The following MEAK7 variants were observed in gnomAD, a reference collection of about 807,000 sequenced individuals.
The protein encoded by MEAK7 is MTOR associated protein MEAK7, also known as MTOR-associated protein MEAK7.
In MEAK7, 68 loss-of-function variants were observed where a neutral mutation model predicts 40.5. The observed-to-expected ratio is 1.68, with a 90% CI of 1.38 to 2.06. MEAK7 has a LOEUF of 2.06. MEAK7 is among the 30% of genes most tolerant of loss of function. MEAK7 has a pLI of 0.00. For missense variants in MEAK7, 918 were observed against 580.5 expected, an observed-to-expected ratio of 1.58 and a Z score of -5.98; for synonymous variants, 338 against 231.9, an observed-to-expected ratio of 1.46 and a Z score of -4.16.
intron 1 of MEAK7, among the ~76,000 whole-genome samples, chr16:84,499,490 G>T (rs1597969685): frequency 6.6e-6 from 1 of 152,180 alleles, no homozygotes; most frequent in African/African-American, 2.4e-5. Context: ...CCCTCAAGGG[G>T]TAACAGGGTA....
chr16:84,503,586 C>G (rs976308145), intron 1 of MEAK7, among the ~76,000 whole-genome samples: 3 of 152,114 alleles, frequency 2.0e-5, no homozygotes, highest in African/African-American at 7.2e-5. Context: ...ATTTCTTTAA[C>G]ATAAGGTTGA....
chr16:84,503,070 T>C (rs1222027526), intron 1 of MEAK7, among the ~76,000 whole-genome samples: 1 of 152,232 alleles, frequency 6.6e-6, no homozygotes, highest in African/African-American at 2.4e-5. Context: ...GTTCACTTGC[T>C]ATCTAACCAG....
chr16:84,484,818 T>TC (rs1455266869), intron 5 of MEAK7, among the ~76,000 whole-genome samples: 2 of 152,218 alleles, frequency 1.3e-5, no homozygotes, highest in Non-Finnish European at 2.9e-5. Flanking sequence ...GAGGCTGCCC[T>TC]CTGCTGTTGT....
chr16:84,500,907 A>G lies in MEAK7; in HGVS notation c.-25-2796T>C, dbSNP rs541959281. Among the ~76,000 whole-genome samples, 7 of 152,228 alleles carry G rather than the reference A, an allele frequency of 4.6e-5. No individual in the cohort carries two copies. The South Asian group carries it at 8.3e-4, about 18-fold the overall frequency. On this transcript the variant is annotated intron_variant, in intron 1 of 7. Coordinates refer to ENST00000343629, the MANE Select transcript of MEAK7 (RefSeq NM_020947.4). Reference sequence around the variant, plus strand: ...CAGGAGTTCGAAACTAGGTTGGCCAACGACATGAAACCCCATCTCTACTAA... The same window carrying G: ...CAGGAGTTCGAAACTAGGTTGGCCAGCGACATGAAACCCCATCTCTACTAA...
chr16:84,489,007 G>A lies in MEAK7; in HGVS notation c.529+271C>T, dbSNP rs577259871. Among the ~76,000 whole-genome samples the A allele has an allele frequency of 1.1e-3, 161 of 152,188 alleles. 4 individuals are homozygous for A. Among genetic ancestry groups the A allele is most frequent in the Non-Finnish European group, 1.0e-3 (69 of 68,000 alleles). On this transcript the variant is annotated intron_variant, in intron 4 of 7. Transcript: ENST00000343629. ...AAAAGCTGGTTCTTCAAAAAGTACC[G>A]ACAAAAATGTGAAAACCCTTTAGCT...
At chr16:84,484,047 C>A (rs1275152880) in intron 5 of MEAK7, among the ~76,000 whole-genome samples, 1 of 152,204 alleles carries the variant, frequency 6.6e-6, no homozygotes, top group South Asian at 2.1e-4. Context: ...ACTGCCCCCG[C>A]CCCGCTCTCC....
intron 3 of MEAK7, chr16:84,494,744 T>A (rs1013322183): frequency 2.1e-5 from 9 of 437,212 alleles, no homozygotes; most frequent in Non-Finnish European, 4.1e-5. Flanking sequence ...CATATCTGAC[T>A]AGGAATAAAC....
chr16:84,487,203 G>A, intron 4 of MEAK7, 144 bp from the exon 5 acceptor site: 2 of 713,224 alleles, frequency 2.8e-6, no homozygotes, highest in Non-Finnish European at 2.2e-6. Flanking sequence ...ATTGAGAGGT[G>A]CCGTCAGTGT....
Position 84,482,765 on chromosome 16 carries a change from AG to A in MEAK7, c.959-56del. The A allele has an allele frequency of 3.1e-6, 5 of 1,604,428 alleles. 1 individual carries two copies. In the South Asian group the frequency reaches 5.6e-5, roughly 18 times the overall value. On this transcript the variant is annotated intron_variant, in intron 5 of 7. Coordinates refer to ENST00000343629, the MANE Select transcript of MEAK7 (RefSeq NM_020947.4). The stretch of plus-strand genomic sequence containing the variant: ...GGGTCGGTGTCTGAGCCGGTCCCAC[AG>A]GGCCGGAAATGCCGGTAAGCTGCAG...
chr16:84,493,139 C>G (rs554756785), intron 3 of MEAK7, among the ~76,000 whole-genome samples: 15 of 152,268 alleles, frequency 9.9e-5, no homozygotes, highest in South Asian at 2.1e-4. Flanking sequence ...TCCTGTGATT[C>G]TGATGTGTCT....
chr16:84,498,421 A>G (rs1914235266), intron 1 of MEAK7, among the ~76,000 whole-genome samples: 1 of 150,396 alleles, frequency 6.6e-6, no homozygotes, highest in Non-Finnish European at 1.5e-5. Context: ...GGACCACACC[A>G]GGATGCCTGG....
chr16:84,496,006 G>C, intron 2 of MEAK7, 93 bp from the exon 3 acceptor site: 2 of 1,362,282 alleles, frequency 1.5e-6, no homozygotes, highest in South Asian at 2.6e-5. Flanking sequence ...GAGAGGAAAA[G>C]GGGTCCTTGG....
chr16:84,482,563 C>G, intron 6 of MEAK7, 29 bp downstream of exon 6: 1 of 1,613,878 alleles, frequency 6.2e-7, no homozygotes, highest in Non-Finnish European at 8.5e-7. Flanking sequence ...ATCACCAAGG[C>G]AAGACCACCA....
rs1912471998 is a variant in MEAK7, at chr16:84,480,806, T to C, written c.1078-98A>G. On this transcript the variant is annotated intron_variant, in intron 6 of 7. Transcript: ENST00000343629. ...CAGCCTCTCGCCTTAAGTACCAGCC[T>C]GAGACAGGGGCGGGTGAGTGGTGAA... The C allele has an allele frequency of 2.2e-6, 3 of 1,357,948 alleles. No homozygotes were observed. In the South Asian group the frequency reaches 4.6e-5, roughly 21 times the overall value. 84.1% of individuals were successfully genotyped at this position (1,357,948 alleles called of 1,614,324 possible).
At position 84,480,032 on chromosome 16, in the gene MEAK7, G is replaced by A. The variant is rs113369604; in HGVS notation, c.1258-6C>T. 290 of 1,588,476 alleles carry A rather than the reference G, an allele frequency of 1.8e-4. 1 individual carries two copies. The African/African-American group carries it at 3.6e-3, about 20-fold the overall frequency. Reference sequence around the variant, plus strand: ...ATGCTCTTGTTGCCCTTGGCCTTGAGAAGAGAAGAAAGGGTGGGTGTGTTC... The same window carrying A: ...ATGCTCTTGTTGCCCTTGGCCTTGAAAAGAGAAGAAAGGGTGGGTGTGTTC... On this transcript the variant is annotated splice_region_variant and splice_polypyrimidine_tract_variant and intron_variant, in intron 7 of 7. Transcript: ENST00000343629.
At position 84,487,000 on chromosome 16, in the gene MEAK7, C is replaced by G; in HGVS notation, c.589G>C (p.Glu197Gln). The change falls in exon 5 of 8, where the codon GAG becomes CAG. Residue 197 changes from glutamate (E) to glutamine (Q), a missense_variant. Glu to Gln is a conservative substitution (Grantham distance 29, BLOSUM62 2). Coordinates refer to ENST00000343629, the MANE Select transcript of MEAK7 (RefSeq NM_020947.4). The stretch of plus-strand genomic sequence containing the variant: ...TGGGGGACCCTGAACACCCAGTCCT[C>G]GATCACAGCTCGGTCACAGTCATAG... ...LDYDCDRAVI[E>Q]DWVFRVPHVA... 1 of 1,614,104 alleles carries G rather than the reference C, an allele frequency of 6.2e-7. No individual in the cohort carries two copies. The highest frequency in any genetic ancestry group is 8.5e-7 in the Non-Finnish European group (1 of 1,180,020).
Position 84,489,351 on chromosome 16 carries a change from C to A in MEAK7, c.456G>T (p.Gly152=), listed in dbSNP as rs772489057. The part of the protein sequence containing the change: ...SHRQELRGWT[G]KEAPGPNPRV... ...GGGGGTTGGGCCCTGGGGCTTCCTTCCCAGTCCAGCCTCTCAGCTCCTGTC... is the reference window on the plus strand; with the variant it reads ...GGGGGTTGGGCCCTGGGGCTTCCTTACCAGTCCAGCCTCTCAGCTCCTGTC... Residue 152 remains glycine, a synonymous_variant, in exon 4 of 8, where the codon GGG becomes GGT. Transcript: ENST00000343629. 3 of 1,614,218 alleles carry A rather than the reference C, an allele frequency of 1.9e-6. No homozygotes were observed. The Admixed American group carries it at 5.0e-5, about 27-fold the overall frequency.
At chr16:84,485,180 G>C (rs1211882847) in intron 5 of MEAK7, among the ~76,000 whole-genome samples, 1 of 152,242 alleles carries the variant, frequency 6.6e-6, no homozygotes, top group Non-Finnish European at 1.5e-5. Flanking sequence ...GCCGTGGCAA[G>C]GCTGAGGCTG....
chr16:84,495,996 G>A (rs573833853), intron 2 of MEAK7, 83 bp from the exon 3 acceptor site: 11 of 1,440,540 alleles, frequency 7.6e-6, no homozygotes, highest in African/African-American at 7.1e-5. Flanking sequence ...TAGGCAGATA[G>A]AGAGGAAAAG....
Sources: gnomAD v4.1 joint callset for allele counts (sites outside exome capture counted in the v4.1 genomes callset) on GRCh38, gnomAD v4.1.1 for gene constraint, MANE v1.5 for transcripts, NCBI Gene and HGNC (gene_info 2026-07-23, HGNC 2026-07-21) for gene names.